Variants in SLC6A19 observed in about 807,000 individuals in gnomAD.
SLC6A19 encodes solute carrier family 6 member 19.
A neutral mutation model predicts 68.3 loss-of-function variants in SLC6A19; 67 were observed. The ratio of observed to expected loss-of-function variants is 0.98; its 90% CI spans 0.81 to 1.20. SLC6A19 has a LOEUF of 1.20. SLC6A19 is among the 50% of genes most tolerant of loss of function. SLC6A19 has a pLI of 0.00. For synonymous variants in SLC6A19, 392 were observed against 374.9 expected, an observed-to-expected ratio of 1.05 and a Z score of -0.53; for missense variants, 813 against 851.6, an observed-to-expected ratio of 0.95 and a Z score of 0.56.
rs763114840 is a variant in SLC6A19 at position 1,221,262 on chromosome 5, C to T, written c.1650C>T (p.Phe550=). Residue 550 remains phenylalanine (F), a synonymous_variant, in exon 11 of 12, where the codon TTC becomes TTT. Transcript: ENST00000304460. ...TGCTGATCATCTTCCTCTTCTTCTT[C>T]GTGGTAGAGGTCAGTCAGGAGCTGA... The part of the protein sequence containing the change: ...LLMLIIFLFF[F]VVEVSQELTY... 15 of 1,613,990 alleles carry T rather than the reference C, an allele frequency of 9.3e-6. No individual in the cohort carries two copies. The highest frequency in any genetic ancestry group is 3.4e-6 in the Non-Finnish European group (4 of 1,180,028).
Position 1,201,701 on chromosome 5 carries a change from C to T in SLC6A19, c.51C>T (p.Ser17=), listed in dbSNP as rs781155201. ...PNPGLDARIP[S]LAELETIEQE... The stretch of plus-strand genomic sequence containing the variant: ...CCGGCCTAGACGCCCGGATCCCGTC[C>T]CTGGCTGAGCTGGAGACCATCGAGC... The change falls in exon 1 of 12, where the codon TCC becomes TCT. Residue 17 remains serine (S), a synonymous_variant. Coordinates refer to ENST00000304460, the MANE Select transcript of SLC6A19 (RefSeq NM_001003841.3). The T allele has an allele frequency of 5.0e-6, 8 of 1,611,866 alleles. No individual in the cohort carries two copies. Among genetic ancestry groups the T allele is most frequent in the Non-Finnish European group, 6.8e-6 (8 of 1,179,890 alleles).
At position 1,212,021 on chromosome 5, in the gene SLC6A19, TG is replaced by T. The variant is rs1333252978; in HGVS notation, c.482-281del. Among the ~76,000 whole-genome samples the T allele has an allele frequency of 1.3e-5, 2 of 150,930 alleles. No individual in the cohort carries two copies. Among genetic ancestry groups the T allele is most frequent in the Non-Finnish European group, 1.5e-5 (1 of 67,696 alleles). ...GCGTGCATGTGAGCATGTGTGCCTC[TG>T]TGCATGTGTGTGCTGTGTGTGTGTG... On this transcript the variant is annotated intron_variant, in intron 3 of 11. Transcript: ENST00000304460. The surrounding 1 kb of genome is among the most constrained non-coding windows in gnomAD (Gnocchi z 5.1).
At chr5:1,211,353 AG>A (rs1436427583) in intron 3 of SLC6A19, among the ~76,000 whole-genome samples, 1 of 152,258 alleles carries the variant, frequency 6.6e-6, no homozygotes, top group African/African-American at 2.4e-5. Flanking sequence ...TGGTTCCACA[AG>A]CCCAGAGAGG....
intron 6 of SLC6A19, 118 bp from the exon 7 acceptor site, chr5:1,216,440 G>C: frequency 1.4e-6 from 2 of 1,471,350 alleles, no homozygotes; most frequent in Non-Finnish European, 1.9e-6. Flanking sequence ...GTGTCACTCA[G>C]TGGCTCAGCC....
Position 1,201,645 on chromosome 5 carries a change from A to G in SLC6A19, c.-6A>G. The G allele has an allele frequency of 6.2e-7, 1 of 1,604,534 alleles. No individual in the cohort carries two copies. ...CTGCTGTGTGCGGAGCCGTCCAGCG[A>G]CCACCATGGTGAGGCTCGTGCTGCC... On this transcript the variant is annotated 5_prime_UTR_variant, in exon 1 of 12. Transcript: ENST00000304460.
At chr5:1,206,664 G>A (rs1745862501) in intron 1 of SLC6A19, among the ~76,000 whole-genome samples, 2 of 152,152 alleles carry the variant, frequency 1.3e-5, no homozygotes, top group African/African-American at 4.8e-5. Context: ...GGATGATGGG[G>A]GCTTGGCTCT....
rs1746194502 is a variant in SLC6A19 at position 1,215,888 on chromosome 5, C to T, written c.888-670C>T. Among the ~76,000 whole-genome samples, 2 of 152,228 alleles carry T rather than the reference C, an allele frequency of 1.3e-5. No homozygotes were observed. The highest frequency in any genetic ancestry group is 2.4e-5 in the African/African-American group (1 of 41,458). Reference sequence around the variant, plus strand: ...TCCAGTTTCCCCGTATCCTCACCAACACTTGTTATTGTCTGACTTTTGTTT... The same window carrying T: ...TCCAGTTTCCCCGTATCCTCACCAATACTTGTTATTGTCTGACTTTTGTTT... On this transcript the variant is annotated intron_variant, in intron 6 of 11. Coordinates refer to ENST00000304460, the MANE Select transcript of SLC6A19 (RefSeq NM_001003841.3). The surrounding 1 kb of genome is among the most constrained non-coding windows in gnomAD (Gnocchi z 5.1).
intron 1 of SLC6A19, among the ~76,000 whole-genome samples, chr5:1,202,550 C>T (rs531637278): frequency 2.6e-5 from 4 of 152,300 alleles, no homozygotes; most frequent in Admixed American, 2.6e-4. Flanking sequence ...GTACCTAGGA[C>T]CCCCACACTT....
At chr5:1,210,729 G>A in intron 3 of SLC6A19, 148 bp downstream of exon 3, 1 of 1,220,146 alleles carries the variant, frequency 8.2e-7, no homozygotes, top group Non-Finnish European at 1.2e-6. Flanking sequence ...CAGCACGAAA[G>A]AAAAGACCTT....
At chr5:1,201,978 C>G in intron 1 of SLC6A19, 126 bp downstream of exon 1, 1 of 1,310,094 alleles carries the variant, frequency 7.6e-7, no homozygotes, top group South Asian at 1.5e-5. Context: ...GAGGAGAAGC[C>G]GCAGGGTGTG....
At chr5:1,204,210 A>G (rs940024979) in intron 1 of SLC6A19, among the ~76,000 whole-genome samples, 3 of 152,112 alleles carry the variant, frequency 2.0e-5, no homozygotes, top group Non-Finnish European at 4.4e-5. Context: ...CGAGGTTAAA[A>G]ACCATTTACG....
rs890995813 is a variant in SLC6A19, at chr5:1,219,904, C to T, written c.1538+240C>T. 2.0e-5 allele frequency among the ~76,000 whole-genome samples: 3 copies of T among 152,294 alleles called. 1 individual carries two copies. In the South Asian group the frequency reaches 6.2e-4, roughly 32 times the overall value. Reference sequence around the variant, plus strand: ...CTGGGAGCCGGGAAGCCCAGTGGAGCCCAGACCTTGGCGGTGCCCACGCAG... The same window carrying T: ...CTGGGAGCCGGGAAGCCCAGTGGAGTCCAGACCTTGGCGGTGCCCACGCAG... On this transcript the variant is annotated intron_variant, in intron 10 of 11. Coordinates refer to ENST00000304460, the MANE Select transcript of SLC6A19 (RefSeq NM_001003841.3).
In SLC6A19 at chr5:1,208,739, A is replaced by G. The variant is rs1745925950; in HGVS notation, c.203-7A>G. On this transcript the variant is annotated splice_region_variant and splice_polypyrimidine_tract_variant and intron_variant, in intron 1 of 11. Transcript: ENST00000304460. ...CTCTCAGGCATGGTGGACTCCTCCCATTGCAGGAGCCTTCATGATCCCGTT... is the reference window on the plus strand; with the variant it reads ...CTCTCAGGCATGGTGGACTCCTCCCGTTGCAGGAGCCTTCATGATCCCGTT... The G allele has an allele frequency of 2.5e-6, 4 of 1,613,208 alleles. No individual in the cohort carries two copies. The highest frequency in any genetic ancestry group is 2.2e-5 in the East Asian group (1 of 44,868).
intron 1 of SLC6A19, among the ~76,000 whole-genome samples, chr5:1,203,089 T>C (rs1745760507): frequency 6.6e-6 from 1 of 150,896 alleles, no homozygotes; most frequent in South Asian, 2.1e-4. Flanking sequence ...ACCCACACCC[T>C]GAGTTTGTTT....
At chr5:1,205,854 A>G (rs557220501) in intron 1 of SLC6A19, among the ~76,000 whole-genome samples, 41 of 151,586 alleles carry the variant, frequency 2.7e-4, no homozygotes, top group African/African-American at 9.0e-4. Context: ...GTGAGCCTGC[A>G]GCCCCCACAC....
Position 1,214,811 on chromosome 5 carries a change from G to GA in SLC6A19, c.887+746_887+747insA, listed in dbSNP as rs1466546621. Among the ~76,000 whole-genome samples the GA allele has an allele frequency of 2.6e-5, 4 of 151,040 alleles. No homozygotes were observed. Among genetic ancestry groups the GA allele is most frequent in the African/African-American group, 7.3e-5 (3 of 40,994 alleles). ...ACACAGGGGACCCTCAGTGCAAGGGGGCAGGGCCTGGGTAGGGAGGGTGGG... is the reference window on the plus strand; with the variant it reads ...ACACAGGGGACCCTCAGTGCAAGGGGAGCAGGGCCTGGGTAGGGAGGGTGGG... On this transcript the variant is annotated intron_variant, in intron 6 of 11. Transcript: ENST00000304460. The surrounding 1 kb of genome is among the most constrained non-coding windows in gnomAD (Gnocchi z 7.4).
At chr5:1,218,099 G>A (rs997744945) in intron 8 of SLC6A19, among the ~76,000 whole-genome samples, 5 of 151,496 alleles carry the variant, frequency 3.3e-5, no homozygotes, top group South Asian at 2.1e-4. Flanking sequence ...TTGTATGCAC[G>A]TGCTGCTGCC....
At chr5:1,211,675 T>A (rs111508796) in intron 3 of SLC6A19, among the ~76,000 whole-genome samples, 4,242 of 151,854 alleles carry the variant, frequency 0.028, 190 homozygotes, top group African/African-American at 0.097. Flanking sequence ...CACGTGAGCA[T>A]GTGTGCTGTG....
intron 1 of SLC6A19, among the ~76,000 whole-genome samples, chr5:1,204,119 G>A (rs535799339): frequency 7.9e-5 from 12 of 152,308 alleles, no homozygotes; most frequent in African/African-American, 2.4e-4. Flanking sequence ...GCGGGTCATC[G>A]AGACCAAATC....
Sources: gnomAD v4.1 joint callset for allele counts (sites outside exome capture counted in the v4.1 genomes callset) on GRCh38, gnomAD v4.1.1 for gene constraint, Gnocchi (gnomAD v3.1) non-coding constraint, MANE v1.5 for transcripts, NCBI Gene and HGNC (gene_info 2026-07-23, HGNC 2026-07-21) for gene names.